ZNF680: variants seen among roughly 807,000 people sequenced by gnomAD.
The protein encoded by ZNF680 is hypothetical protein FLJ90430.
ZNF680 carries 6 observed loss-of-function variants against 12.1 expected under a neutral mutation model. The ratio of observed to expected loss-of-function variants is 0.49; its 90% CI spans 0.27 to 0.98. The LOEUF is 0.98. Among genes scored for constraint, ZNF680 ranks in the 50% least tolerant of loss-of-function variants. The probability of loss-of-function intolerance (pLI) is 0.12; values close to 1 mark genes in which losing one functional copy is unlikely to be tolerated. For missense variants in ZNF680, 561 were observed against 616.3 expected, an observed-to-expected ratio of 0.91 and a Z score of 0.95; for synonymous variants, 170 against 199.3, an observed-to-expected ratio of 0.85 and a Z score of 1.24.
At chr7:64,527,347 T>C (rs1005772394) in intron 3 of ZNF680, among the ~76,000 whole-genome samples, 1 of 152,030 alleles carries the variant, frequency 6.6e-6, no homozygotes, top group Non-Finnish European at 1.5e-5. Context: ...AAACTGATAA[T>C]AGTAACTTTA....
chr7:64,501,241 G>A, the ZNF680 span: 2 of 890,750 alleles, frequency 2.2e-6, no homozygotes, highest in Non-Finnish European at 3.8e-6. Flanking sequence ...CAGTTGCCCA[G>A]CACATTTTCC....
chr7:64,543,878 G>T, intron 2 of ZNF680, 76 bp from the exon 3 acceptor site: 3 of 1,237,118 alleles, frequency 2.4e-6, no homozygotes, highest in South Asian at 1.3e-5. Context: ...GCTCAGTAAA[G>T]AGAATGTCAT....
chr7:64,501,678 TGAGG>T, the ZNF680 span: 25 of 1,040,098 alleles, frequency 2.4e-5, 1 homozygote, highest in Non-Finnish European at 3.2e-5. Context: ...AAAAAGAGGC[TGAGG>T]AAGGAGAGGA....
chr7:64,525,335 T>A (rs1314887350), intron 3 of ZNF680: 1 of 152,134 alleles, frequency 6.6e-6, no homozygotes, highest in Non-Finnish European at 1.5e-5. Flanking sequence ...TGTCACCAAA[T>A]TACTCAGTAG....
chr7:64,543,888 T>G, intron 2 of ZNF680, 86 bp from the exon 3 acceptor site: 3 of 1,066,122 alleles, frequency 2.8e-6, no homozygotes, highest in Non-Finnish European at 4.2e-6. Context: ...GAGAATGTCA[T>G]AGCATATTCT....
chr7:64,518,399 A>G (rs562718806), downstream of ZNF680, among the ~76,000 whole-genome samples: 1 of 152,128 alleles, frequency 6.6e-6, no homozygotes, highest in African/African-American at 2.4e-5. Context: ...AAACCACAAA[A>G]CACTGCTAAA....
the ZNF680 span, among the ~76,000 whole-genome samples, chr7:64,508,894 T>C: frequency 6.6e-6 from 1 of 152,200 alleles, no homozygotes; most frequent in Non-Finnish European, 1.5e-5. Flanking sequence ...AATGTAACTT[T>C]AAAAAATTGC....
At chr7:64,524,189 C>T (rs561160760) in intron 3 of ZNF680, among the ~76,000 whole-genome samples, 1 of 149,760 alleles carries the variant, frequency 6.7e-6, no homozygotes, top group East Asian at 2.0e-4. Context: ...CTCTTGTTGC[C>T]TAGGCTGGAG....
At position 64,544,439 on chromosome 7, in the gene ZNF680, A is replaced by AACAC. The variant is rs3217570; in HGVS notation, c.31-11_31-8dup. 6.7e-4 allele frequency: 1,022 copies of AACAC among 1,535,448 alleles called. No homozygotes were observed. The highest frequency in any genetic ancestry group is 1.3e-3 in the South Asian group (117 of 87,940). The stretch of plus-strand genomic sequence containing the variant: ...CCCTAAATGTCAGTGGTCCCTGAAA[A>AACAC]ACACACACACACACACACACACACA... On this transcript the variant is annotated splice_region_variant and splice_polypyrimidine_tract_variant and intron_variant, in intron 1 of 3. Coordinates refer to ENST00000309683, the MANE Select transcript of ZNF680 (RefSeq NM_178558.5).
chr7:64,559,903 T>G (rs540949422), intron 1 of ZNF680, among the ~76,000 whole-genome samples: 1 of 152,306 alleles, frequency 6.6e-6, no homozygotes, highest in African/African-American at 2.4e-5. Context: ...AGTAAACAAT[T>G]ATTCATTTGG....
the ZNF680 span, among the ~76,000 whole-genome samples, chr7:64,500,025 G>A: frequency 1.3e-5 from 2 of 152,126 alleles, no homozygotes; most frequent in Admixed American, 6.6e-5. Flanking sequence ...CCAAGCCTCC[G>A]ATAAACTCTC....
chr7:64,510,305 A>T, the ZNF680 span, among the ~76,000 whole-genome samples: 5 of 151,980 alleles, frequency 3.3e-5, no homozygotes, highest in Admixed American at 2.6e-4. Context: ...AGTAACTCTA[A>T]ACTGTCCTTG....
chr7:64,522,781 G>A (rs1461655035), intron 3 of ZNF680, among the ~76,000 whole-genome samples: 1 of 151,866 alleles, frequency 6.6e-6, no homozygotes, highest in African/African-American at 2.4e-5. Flanking sequence ...AAAATGATAT[G>A]TCATTTACAA....
At chr7:64,533,707 C>CA (rs1786005490) in intron 3 of ZNF680, among the ~76,000 whole-genome samples, 1 of 152,016 alleles carries the variant, frequency 6.6e-6, no homozygotes, top group South Asian at 2.1e-4. Flanking sequence ...CCCACATAGC[C>CA]AAAGCAAGAC....
the ZNF680 span, among the ~76,000 whole-genome samples, chr7:64,510,337 G>A: frequency 1.3e-5 from 2 of 150,740 alleles, no homozygotes; most frequent in East Asian, 2.0e-4. Flanking sequence ...ACCAAATAAC[G>A]CACCCCCACC....
chr7:64,502,365 G>GTT, the ZNF680 span, among the ~76,000 whole-genome samples: 2 of 151,782 alleles, frequency 1.3e-5, no homozygotes, highest in African/African-American at 4.8e-5. Flanking sequence ...GCAGAAAGTA[G>GTT]TTTTTTTCAT....
chr7:64,540,303 C>CTTTTTT (rs61265238), intron 3 of ZNF680, among the ~76,000 whole-genome samples: 1 of 129,152 alleles, frequency 7.7e-6, no homozygotes, highest in East Asian at 2.1e-4. Context: ...CTGATTTATC[C>CTTTTTT]TTTTTTTTTT....
downstream of ZNF680, among the ~76,000 whole-genome samples, chr7:64,515,925 T>C (rs188920285): frequency 3.3e-5 from 5 of 152,104 alleles, no homozygotes; most frequent in South Asian, 2.1e-4. Flanking sequence ...CAGCTTCTAA[T>C]AGGTCCTGGG....
chr7:64,554,797 G>T (rs867533599), intron 1 of ZNF680, among the ~76,000 whole-genome samples: 1 of 152,048 alleles, frequency 6.6e-6, no homozygotes, highest in African/African-American at 2.4e-5. Flanking sequence ...CGGCATACTC[G>T]TTAAGAGTCA....
Sources: gnomAD v4.1 joint callset for allele counts (sites outside exome capture counted in the v4.1 genomes callset) on GRCh38, gnomAD v4.1.1 for gene constraint, MANE v1.5 for transcripts, NCBI Gene and HGNC (gene_info 2026-07-23, HGNC 2026-07-21) for gene names.